Variants in WDR17 observed in about 807,000 individuals in gnomAD.
WDR17 encodes WD repeat domain 17, also known as WD repeat-containing protein 17.
Under a neutral mutation model 161.7 loss-of-function variants are expected in WDR17, and 143 were observed. The ratio of observed to expected loss-of-function variants is 0.88; its 90% CI spans 0.77 to 1.02. The LOEUF (loss-of-function observed/expected upper bound fraction) is 1.02, where lower values mean the gene tolerates loss of function less well. WDR17 is among the 50% of genes least tolerant of loss of function. The pLI is 0.00. For synonymous variants in WDR17, 517 were observed against 515.6 expected (o/e 1.00, Z -0.04); for missense variants, 1,469 against 1,520.9 (o/e 0.97, Z 0.57).
At chr4:176,169,899 A>T (rs979742079) in intron 23 of WDR17, among the ~76,000 whole-genome samples, 2 of 152,288 alleles carry the variant, frequency 1.3e-5, no homozygotes, top group East Asian at 1.9e-4. Context: ...TATTTTTTTT[A>T]AAAGCTGTGC....
At chr4:176,068,642 G>A (rs1387264579) in intron 1 of WDR17, among the ~76,000 whole-genome samples, 1 of 152,050 alleles carries the variant, frequency 6.6e-6, no homozygotes, top group Non-Finnish European at 1.5e-5. Context: ...GAGGATATTG[G>A]AAGGGATTTT....
At chr4:176,143,632 T>C (rs748219468) in intron 11 of WDR17, among the ~76,000 whole-genome samples, 6 of 152,162 alleles carry the variant, frequency 3.9e-5, no homozygotes, top group Non-Finnish European at 7.4e-5. Context: ...TAAGCCATGA[T>C]TGTGCCACTG....
chr4:176,105,768 G>A (rs569033093), intron 1 of WDR17, among the ~76,000 whole-genome samples: 1 of 151,850 alleles, frequency 6.6e-6, no homozygotes, highest in East Asian at 1.9e-4. Context: ...GCATTTATAG[G>A]ATCTCAAATT....
At chr4:176,092,015 C>T (rs1284530392) in intron 1 of WDR17, among the ~76,000 whole-genome samples, 2 of 152,004 alleles carry the variant, frequency 1.3e-5, no homozygotes, top group Non-Finnish European at 2.9e-5. Flanking sequence ...TTTTACCAAA[C>T]ATTTAAAGAA....
intron 9 of WDR17, among the ~76,000 whole-genome samples, chr4:176,139,226 A>G (rs150617848): frequency 1.7e-3 from 262 of 152,056 alleles, no homozygotes; most frequent in African/African-American, 6.0e-3. Context: ...AAATTTAGAA[A>G]TGGGTTGATT....
chr4:176,140,866 A>G (rs1005683269), intron 10 of WDR17, among the ~76,000 whole-genome samples: 8 of 152,180 alleles, frequency 5.3e-5, no homozygotes, highest in Non-Finnish European at 8.8e-5. Flanking sequence ...CCAAAATACA[A>G]AAGTGCCTAA....
intron 1 of WDR17, among the ~76,000 whole-genome samples, chr4:176,110,702 T>C (rs992209008): frequency 1.3e-5 from 2 of 152,128 alleles, no homozygotes; most frequent in African/African-American, 4.8e-5. Context: ...ATTCATAGCA[T>C]TTTTTTGATC....
At chr4:176,147,123 C>T (rs543523517) in intron 12 of WDR17, among the ~76,000 whole-genome samples, 353 of 152,212 alleles carry the variant, frequency 2.3e-3, no homozygotes, top group Non-Finnish European at 3.1e-3. Flanking sequence ...TCTCAGCCTC[C>T]CAAAGTGCTG....
At chr4:176,146,554 G>A (rs1746204149) in intron 12 of WDR17, among the ~76,000 whole-genome samples, 1 of 152,144 alleles carries the variant, frequency 6.6e-6, no homozygotes, top group Admixed American at 6.5e-5. Flanking sequence ...CTGCAGCCTG[G>A]AGAGCCTCAG....
At chr4:176,149,742 C>T in intron 13 of WDR17, 65 bp from the exon 14 acceptor site, 1 of 1,578,240 alleles carries the variant, frequency 6.3e-7, no homozygotes, top group Non-Finnish European at 8.6e-7. Flanking sequence ...TTTTATGAAG[C>T]ACATATAAAT....
chr4:176,081,695 C>G (rs1734764634), intron 1 of WDR17, among the ~76,000 whole-genome samples: 1 of 152,120 alleles, frequency 6.6e-6, no homozygotes, highest in Non-Finnish European at 1.5e-5. Flanking sequence ...TTCGGGGATG[C>G]AAGACAGCTG....
rs538678404 is a variant in WDR17 at position 176,066,057 on chromosome 4, G to T, written c.-29G>T. 1.3e-5 allele frequency: 2 copies of T among 152,538 alleles called. No individual in the cohort carries two copies. The highest frequency in any genetic ancestry group is 3.9e-4 in the East Asian group (2 of 5,178). The allele number at this position is 152,538 out of a possible 1,614,324, so 9.4% of individuals were successfully genotyped here. On this transcript the variant is annotated 5_prime_UTR_variant, in exon 1 of 29. Coordinates refer to ENST00000508596, the MANE Select transcript of WDR17 (RefSeq NM_181265.4). The stretch of plus-strand genomic sequence containing the variant: ...GCTTCAGCACCTTCCGCTGTCCGCC[G>T]CTGCAGCCGCCTCCTCCTCCAGGTA...
chr4:176,175,868 GTTTTT>G (rs113004375), intron 26 of WDR17, among the ~76,000 whole-genome samples: 5,093 of 152,192 alleles, frequency 0.033, 260 homozygotes, highest in African/African-American at 0.11. Flanking sequence ...CGGTTAAGCA[GTTTTT>G]CTGAGTTCAT....
At chr4:176,093,812 C>T (rs1301239423) in intron 1 of WDR17, among the ~76,000 whole-genome samples, 1 of 152,130 alleles carries the variant, frequency 6.6e-6, no homozygotes, top group East Asian at 1.9e-4. Context: ...CAGATCCCAT[C>T]TATTCTCATA....
intron 12 of WDR17, 31 bp downstream of exon 12, chr4:176,146,190 C>A: frequency 6.3e-7 from 1 of 1,597,392 alleles, no homozygotes; most frequent in South Asian, 1.1e-5. Context: ...ATTTTCTAGT[C>A]CTTAAAATCA....
intron 1 of WDR17, among the ~76,000 whole-genome samples, chr4:176,105,422 C>G (rs1738552047): frequency 6.6e-6 from 1 of 152,054 alleles, no homozygotes; most frequent in Non-Finnish European, 1.5e-5. Flanking sequence ...ACACATTCTT[C>G]TTAAGTGCAC....
At chr4:176,086,918 C>T (rs1735493110) in intron 1 of WDR17, among the ~76,000 whole-genome samples, 1 of 151,686 alleles carries the variant, frequency 6.6e-6, no homozygotes, top group African/African-American at 2.4e-5. Context: ...TTTATAATTA[C>T]CCTGGAGATT....
intron 1 of WDR17, among the ~76,000 whole-genome samples, chr4:176,103,519 G>A (rs978699959): frequency 4.6e-5 from 7 of 151,950 alleles, no homozygotes; most frequent in Non-Finnish European, 1.0e-4. Context: ...ACTGTCTTGG[G>A]ATGCTTAAAA....
chr4:176,132,561 A>G (rs1410806993), intron 7 of WDR17, among the ~76,000 whole-genome samples: 1 of 152,018 alleles, frequency 6.6e-6, no homozygotes, highest in Non-Finnish European at 1.5e-5. Flanking sequence ...GAAAGAATCA[A>G]TAATATTGTA....
Sources: allele counts gnomAD v4.1 joint callset (sites outside exome capture counted in the v4.1 genomes callset), GRCh38; gene constraint gnomAD v4.1.1; transcripts MANE v1.5; gene names NCBI Gene and HGNC (gene_info 2026-07-23, HGNC 2026-07-21).